RARB: variants seen among roughly 807,000 people sequenced by gnomAD.
RARB encodes the protein retinoic acid receptor beta, also known as HBV-activated protein.
A neutral mutation model predicts 51.9 loss-of-function variants in RARB; 17 were observed. The observed-to-expected ratio is 0.33, with a 90% CI of 0.22 to 0.49. The LOEUF (loss-of-function observed/expected upper bound fraction) is 0.49, where lower values mean the gene tolerates loss of function less well. RARB is among the 20% of genes least tolerant of loss of function. RARB has a pLI of 0.99. For missense variants in RARB, 369 were observed against 550.8 expected (o/e 0.67, Z 3.30); for synonymous variants, 215 against 195.4 (o/e 1.10, Z -0.84).
chr3:24,866,664 T>C (rs1030827263), intron 2 of RARB, among the ~76,000 whole-genome samples: 2 of 152,198 alleles, frequency 1.3e-5, no homozygotes, highest in Non-Finnish European at 1.5e-5. Flanking sequence ...TGTGGGGTTT[T>C]CTTCCAAATG....
At chr3:25,128,781 A>G (rs1050257173) in intron 3 of RARB, among the ~76,000 whole-genome samples, 2 of 152,070 alleles carry the variant, frequency 1.3e-5, no homozygotes, top group African/African-American at 4.8e-5. Flanking sequence ...TAGGTTAATC[A>G]CTGAAAAAAA....
At chr3:25,362,838 ACC>A (rs1705991371) in intron 5 of RARB, among the ~76,000 whole-genome samples, 2 of 152,116 alleles carry the variant, frequency 1.3e-5, no homozygotes, top group African/African-American at 4.8e-5. Context: ...TGAACCAGGT[ACC>A]TCAGTTGGAA....
At chr3:25,157,233 C>T (rs976146174) in intron 4 of RARB, among the ~76,000 whole-genome samples, 1 of 151,946 alleles carries the variant, frequency 6.6e-6, no homozygotes, top group Non-Finnish European at 1.5e-5. Context: ...CTTAAACATG[C>T]TTAAACTTAT....
chr3:25,060,678 C>G (rs916228563), intron 3 of RARB, among the ~76,000 whole-genome samples: 3 of 151,786 alleles, frequency 2.0e-5, no homozygotes, highest in Non-Finnish European at 1.5e-5. Context: ...ATTTAGAAAA[C>G]AATGAAGCTG....
intron 3 of RARB, among the ~76,000 whole-genome samples, chr3:25,077,538 A>T (rs951785959): frequency 3.9e-5 from 6 of 152,194 alleles, no homozygotes; most frequent in Admixed American, 1.3e-4. Context: ...TACTGCTGAG[A>T]AGTAGTCAAT....
In RARB at chr3:25,407,643, G is replaced by A. The variant is rs79185701; in HGVS notation, c.179-53550G>A. ...TTTGCACATGTGCACATGCATGCAC[G>A]CACACACACACAGAATTGCAGATAA... On this transcript the variant is annotated intron_variant, in intron 5 of 11. Coordinates refer to the RARB transcript ENST00000383772. Among the ~76,000 whole-genome samples, 67 of 151,808 alleles carry A rather than the reference G, an allele frequency of 4.4e-4. No individual in the cohort carries two copies. In the East Asian group the frequency reaches 4.8e-3, roughly 11 times the overall value.
chr3:25,447,121 C>T (rs1319596681), intron 1 of RARB, among the ~76,000 whole-genome samples: 2 of 152,160 alleles, frequency 1.3e-5, no homozygotes, highest in African/African-American at 2.4e-5. Context: ...AGTTGTCCCC[C>T]GCCATATAAA....
chr3:24,959,940 C>T (rs1464046724), intron 2 of RARB, among the ~76,000 whole-genome samples: 4 of 152,182 alleles, frequency 2.6e-5, no homozygotes, highest in African/African-American at 7.2e-5. Context: ...GAGACTTATT[C>T]GAGATCTCTC....
chr3:25,095,247 T>TA (rs1476606957), intron 3 of RARB, among the ~76,000 whole-genome samples: 2 of 152,330 alleles, frequency 1.3e-5, no homozygotes, highest in Admixed American at 1.3e-4. Flanking sequence ...CTTCAGGTGA[T>TA]ACTGATATGC....
At chr3:25,412,494 T>G (rs1461109622) in intron 5 of RARB, among the ~76,000 whole-genome samples, 1 of 152,204 alleles carries the variant, frequency 6.6e-6, no homozygotes, top group Non-Finnish European at 1.5e-5. Context: ...CCTTCCATTC[T>G]CAAGACTGTT....
chr3:25,092,018 C>G (rs571262434), intron 3 of RARB, among the ~76,000 whole-genome samples: 1 of 152,196 alleles, frequency 6.6e-6, no homozygotes, highest in East Asian at 1.9e-4. Flanking sequence ...CTTTTATGGA[C>G]TTGTAGTATT....
At chr3:25,459,053 A>G (rs1021661127) in intron 1 of RARB, among the ~76,000 whole-genome samples, 1 of 152,246 alleles carries the variant, frequency 6.6e-6, no homozygotes, top group African/African-American at 2.4e-5. Context: ...ATGAAACTCA[A>G]TATTTAGAGT....
At chr3:25,572,030 T>A (rs984357258) in intron 4 of RARB, among the ~76,000 whole-genome samples, 1 of 152,206 alleles carries the variant, frequency 6.6e-6, no homozygotes, top group Non-Finnish European at 1.5e-5. Flanking sequence ...TGCCAACCAT[T>A]CAGTGGCATT....
chr3:25,194,531 A>G (rs1701185256), intron 5 of RARB, among the ~76,000 whole-genome samples: 1 of 150,674 alleles, frequency 6.6e-6, no homozygotes, highest in Admixed American at 6.7e-5. Context: ...ATATATATAT[A>G]TATAATGTAT....
chr3:25,383,790 C>T (rs920346633), intron 5 of RARB, among the ~76,000 whole-genome samples: 2 of 151,894 alleles, frequency 1.3e-5, no homozygotes, highest in East Asian at 1.9e-4. Flanking sequence ...CTTAGCCAGG[C>T]GTGGTGGCAG....
chr3:25,033,649 A>G (rs1697921460), intron 2 of RARB, among the ~76,000 whole-genome samples: 1 of 152,176 alleles, frequency 6.6e-6, no homozygotes, highest in Non-Finnish European at 1.5e-5. Flanking sequence ...AGCCAGACCC[A>G]CATCCAAACA....
intron 5 of RARB, among the ~76,000 whole-genome samples, chr3:25,591,356 G>C (rs145801186): frequency 6.6e-6 from 1 of 152,194 alleles, no homozygotes; most frequent in African/African-American, 2.4e-5. Flanking sequence ...GCAGGCCAAC[G>C]TGAATAGTTA....
intron 3 of RARB, among the ~76,000 whole-genome samples, chr3:25,099,979 C>T (rs1699369556): frequency 6.6e-6 from 1 of 152,178 alleles, no homozygotes; most frequent in African/African-American, 2.4e-5. Context: ...AATATCATTT[C>T]CTGGTTTCAC....
At chr3:25,300,774 G>A (rs956797456) in intron 5 of RARB, among the ~76,000 whole-genome samples, 9 of 152,126 alleles carry the variant, frequency 5.9e-5, no homozygotes, top group Admixed American at 1.3e-4. Flanking sequence ...CGGATTGCCT[G>A]AGCTCAGGAG....
Sources: gnomAD v4.1 joint callset for allele counts (sites outside exome capture counted in the v4.1 genomes callset) on GRCh38, gnomAD v4.1.1 for gene constraint, MANE v1.5 for transcripts, NCBI Gene and HGNC (gene_info 2026-07-23, HGNC 2026-07-21) for gene names.